Variants in UTRN observed in about 807,000 individuals in gnomAD.
UTRN encodes dystrophin-related protein 1.
Under a neutral mutation model 463.9 loss-of-function variants are expected in UTRN, and 283 were observed. That is an observed-to-expected ratio of 0.61 (90% CI 0.55 to 0.67). UTRN has a LOEUF of 0.67. UTRN is among the 30% of genes least tolerant of loss of function. The pLI is 0.00. For missense variants in UTRN, 3,922 were observed against 4,084.3 expected (o/e 0.96, Z 1.08); for synonymous variants, 1,442 against 1,431.5 (o/e 1.01, Z -0.17).
intron 4 of UTRN, 74 bp downstream of exon 4, chr6:144,422,044 A>G (rs1023584645): frequency 1.1e-5 from 13 of 1,226,462 alleles, no homozygotes; most frequent in Middle Eastern, 1.9e-4. Context: ...GTGGGTACCC[A>G]TTAAAGTGAA....
intron 39 of UTRN, among the ~76,000 whole-genome samples, chr6:144,518,105 C>T (rs1795785725): frequency 6.6e-6 from 1 of 152,146 alleles, no homozygotes; most frequent in Non-Finnish European, 1.5e-5. Flanking sequence ...TCAGAAAGTG[C>T]CTTAGCTTAT....
At chr6:144,494,703 T>C (rs1207302737) in intron 33 of UTRN, among the ~76,000 whole-genome samples, 1 of 152,134 alleles carries the variant, frequency 6.6e-6, no homozygotes, top group Non-Finnish European at 1.5e-5. Flanking sequence ...ATTAGCTAGA[T>C]ACAGAGTGTG....
intron 65 of UTRN, among the ~76,000 whole-genome samples, chr6:144,804,810 A>G (rs1341993481): frequency 6.6e-6 from 1 of 152,166 alleles, no homozygotes; most frequent in African/African-American, 2.4e-5. Flanking sequence ...CCACATCTCA[A>G]AGGGACAGAG....
chr6:144,290,469 C>G (rs938292431), intron 1 of UTRN, among the ~76,000 whole-genome samples: 2 of 152,210 alleles, frequency 1.3e-5, no homozygotes, highest in African/African-American at 4.8e-5. Flanking sequence ...CGTTCAACAT[C>G]TTGGCAAGGA....
rs550482602 is a variant in UTRN, at chr6:144,732,675, T to C, written c.7939+2189T>C. ...TATGTCATGTTATGTTATGTTATGT[T>C]ATGTTATGTTATGTTATGTTATGTT... On this transcript the variant is annotated intron_variant, in intron 54 of 74. Transcript: ENST00000367545. Among the ~76,000 whole-genome samples the C allele has an allele frequency of 7.4e-5, 11 of 147,898 alleles. No individual in the cohort carries two copies. In the East Asian group the frequency reaches 1.8e-3, roughly 24 times the overall value.
intron 65 of UTRN, among the ~76,000 whole-genome samples, chr6:144,812,007 AACTTATTC>A (rs1479986686): frequency 6.6e-6 from 1 of 152,136 alleles, no homozygotes; most frequent in African/African-American, 2.4e-5. Context: ...CTCTGTATGT[AACTTATTC>A]ATATTTGTAA....
intron 2 of UTRN, among the ~76,000 whole-genome samples, chr6:144,326,234 T>C (rs1234999712): frequency 6.6e-6 from 1 of 151,914 alleles, no homozygotes; most frequent in Non-Finnish European, 1.5e-5. Flanking sequence ...ATTTTATTGA[T>C]AGTACAGAAA....
At chr6:144,440,811 G>A (rs1787075863) in intron 13 of UTRN, among the ~76,000 whole-genome samples, 1 of 152,170 alleles carries the variant, frequency 6.6e-6, no homozygotes, top group Admixed American at 6.5e-5. Context: ...GAGGTTTAAG[G>A]GACTTACAGT....
intron 51 of UTRN, among the ~76,000 whole-genome samples, chr6:144,619,865 A>G (rs965737148): frequency 6.6e-6 from 1 of 152,144 alleles, no homozygotes; most frequent in Non-Finnish European, 1.5e-5. Flanking sequence ...AGAAATAAGG[A>G]AGCATTTTAA....
intron 53 of UTRN, among the ~76,000 whole-genome samples, chr6:144,710,284 G>A (rs906367955): frequency 6.6e-6 from 1 of 152,196 alleles, no homozygotes; most frequent in African/African-American, 2.4e-5. Flanking sequence ...TCCAAAACAT[G>A]ACAATCATTC....
At chr6:144,777,219 A>G (rs1775407752) in intron 60 of UTRN, among the ~76,000 whole-genome samples, 1 of 152,188 alleles carries the variant, frequency 6.6e-6, no homozygotes, top group Admixed American at 6.5e-5. Context: ...GGAGATTTAT[A>G]GCAGTACTTT....
chr6:144,666,566 A>G (rs540838626), intron 51 of UTRN, among the ~76,000 whole-genome samples: 1 of 152,312 alleles, frequency 6.6e-6, no homozygotes, highest in South Asian at 2.1e-4. Flanking sequence ...ATACAGAAGA[A>G]ATATTAAGAT....
chr6:144,561,304 A>ATATATACATACACATATATGTGTGTG (rs1562576328), intron 50 of UTRN, among the ~76,000 whole-genome samples: 2 of 146,862 alleles, frequency 1.4e-5, no homozygotes, highest in Non-Finnish European at 3.0e-5. Flanking sequence ...ACACACATGT[A>ATATATACATACACATATATGTGTGTG]TATATACATA....
chr6:144,395,359 C>G (rs889233447), intron 2 of UTRN, among the ~76,000 whole-genome samples: 3 of 149,432 alleles, frequency 2.0e-5, no homozygotes, highest in Non-Finnish European at 3.0e-5. Context: ...TGTTTTTCTG[C>G]ATTTGCAACA....
chr6:144,778,108 A>G (rs1456869847), intron 60 of UTRN, among the ~76,000 whole-genome samples: 2 of 152,152 alleles, frequency 1.3e-5, no homozygotes, highest in African/African-American at 4.8e-5. Flanking sequence ...AGTATGCTTT[A>G]GGGAATATCT....
chr6:144,386,860 C>T (rs1275927513), intron 2 of UTRN, among the ~76,000 whole-genome samples: 1 of 151,858 alleles, frequency 6.6e-6, no homozygotes, highest in African/African-American at 2.4e-5. Flanking sequence ...TATTAAAACA[C>T]TCCAAATAAA....
chr6:144,590,186 A>G (rs1391859610), intron 51 of UTRN, among the ~76,000 whole-genome samples: 1 of 152,156 alleles, frequency 6.6e-6, no homozygotes, highest in Non-Finnish European at 1.5e-5. Context: ...AAAGTAAGGA[A>G]ATATATTCTT....
At chr6:144,467,093 T>C (rs1482948945) in intron 23 of UTRN, among the ~76,000 whole-genome samples, 1 of 152,244 alleles carries the variant, frequency 6.6e-6, no homozygotes, top group Non-Finnish European at 1.5e-5. Context: ...AAATGTCCCT[T>C]TCTTGCCCTG....
chr6:144,508,548 G>T (rs1432889543), intron 34 of UTRN, among the ~76,000 whole-genome samples: 1 of 152,110 alleles, frequency 6.6e-6, no homozygotes, highest in Admixed American at 6.5e-5. Flanking sequence ...GACACCCTCC[G>T]TGGGCTGCAC....
Sources: gnomAD v4.1 joint callset for allele counts (sites outside exome capture counted in the v4.1 genomes callset) on GRCh38, gnomAD v4.1.1 for gene constraint, MANE v1.5 for transcripts, NCBI Gene and HGNC (gene_info 2026-07-23, HGNC 2026-07-21) for gene names.